ANXA2: variants seen among roughly 807,000 people sequenced by gnomAD.
ANXA2 encodes annexin II.
ANXA2 carries 28 observed loss-of-function variants against 47.3 expected under a neutral mutation model. The ratio of observed to expected loss-of-function variants is 0.59; its 90% confidence interval spans 0.44 to 0.81. The LOEUF (loss-of-function observed/expected upper bound fraction) is 0.81, where lower values mean the gene tolerates loss of function less well. ANXA2 is among the 40% of genes least tolerant of loss of function. The probability of loss-of-function intolerance (pLI) is 0.00; values close to 1 mark genes in which losing one functional copy is unlikely to be tolerated. For synonymous variants in ANXA2, 172 were observed against 155.5 expected, an observed-to-expected ratio of 1.11 and a Z score of -0.79; for missense variants, 384 against 414.3, an observed-to-expected ratio of 0.93 and a Z score of 0.64.
At chr15:60,382,586 C>T in intron 2 of ANXA2, 145 bp from the exon 3 acceptor site, 1 of 530,176 alleles carries the variant, frequency 1.9e-6, no homozygotes, top group Non-Finnish European at 3.4e-6. Context: ...ATTAACACAC[C>T]ATCACACTTC....
At chr15:60,370,822 A>G (rs912003222) in intron 3 of ANXA2, among the ~76,000 whole-genome samples, 2 of 152,206 alleles carry the variant, frequency 1.3e-5, no homozygotes, top group Non-Finnish European at 2.9e-5. Flanking sequence ...CACAGGGTCT[A>G]AAGAAACTGT....
At chr15:60,378,359 C>G (rs1424755367) in intron 3 of ANXA2, among the ~76,000 whole-genome samples, 1 of 152,126 alleles carries the variant, frequency 6.6e-6, no homozygotes, top group Non-Finnish European at 1.5e-5. Flanking sequence ...TTTATTTTTC[C>G]TATCTACATT....
At chr15:60,377,087 C>G (rs544703128) in intron 3 of ANXA2, among the ~76,000 whole-genome samples, 1 of 152,168 alleles carries the variant, frequency 6.6e-6, no homozygotes, top group Non-Finnish European at 1.5e-5. Context: ...AAGGAAACAC[C>G]AACTACTTAG....
chr15:60,385,889 T>C (rs530582589), intron 2 of ANXA2, 139 bp downstream of exon 2: 2 of 150,716 alleles, frequency 1.3e-5, no homozygotes, highest in African/African-American at 8.3e-5. Context: ...AGCTGAAGTA[T>C]TAAGAAAGAG....
intron 1 of ANXA2, 116 bp downstream of exon 1, chr15:60,397,827 C>T: frequency 7.3e-7 from 1 of 1,367,704 alleles, no homozygotes; most frequent in South Asian, 1.7e-5. Flanking sequence ...CTGCCCCCGA[C>T]GGCCTCCGGG....
chr15:60,357,064 G>A (rs909605924), intron 6 of ANXA2, 82 bp downstream of exon 6: 2 of 1,298,016 alleles, frequency 1.5e-6, no homozygotes, highest in Admixed American at 1.7e-5. Context: ...AGGCATCTTA[G>A]CCCGAACCCT....
At chr15:60,389,251 C>T (rs1415286838) in intron 1 of ANXA2, among the ~76,000 whole-genome samples, 2 of 152,180 alleles carry the variant, frequency 1.3e-5, no homozygotes, top group Non-Finnish European at 2.9e-5. Context: ...AACCAGGGAA[C>T]TAGCAAGTCA....
intron 4 of ANXA2, among the ~76,000 whole-genome samples, chr15:60,363,354 C>A (rs766879749): frequency 6.6e-6 from 1 of 152,080 alleles, no homozygotes; most frequent in African/African-American, 2.4e-5. Flanking sequence ...ATTTAGAGTG[C>A]GGGGGATGGA....
chr15:60,384,710 T>C (rs763908071), intron 2 of ANXA2: 1 of 152,244 alleles, frequency 6.6e-6, no homozygotes, highest in African/African-American at 2.4e-5. Context: ...AAAAACTCTA[T>C]AGGCTTTATA....
chr15:60,374,576 A>C (rs1294900459), intron 3 of ANXA2: 1 of 455,814 alleles, frequency 2.2e-6, no homozygotes, highest in South Asian at 1.5e-5. Flanking sequence ...TTTTAAAAAA[A>C]GAAAGAGCTG....
At chr15:60,361,318 G>A (rs2062508925) in intron 4 of ANXA2, 1 of 417,862 alleles carries the variant, frequency 2.4e-6, no homozygotes, top group Non-Finnish European at 4.4e-6. Context: ...AACTGGAGTC[G>A]TATGTGATTC....
intron 7 of ANXA2, 54 bp downstream of exon 7, chr15:60,355,865 A>G: frequency 7.2e-7 from 1 of 1,384,160 alleles, no homozygotes; most frequent in Non-Finnish European, 1.0e-6. Flanking sequence ...AAAATGAGGT[A>G]TGTGACTTGC....
intron 3 of ANXA2, among the ~76,000 whole-genome samples, chr15:60,377,138 G>A (rs1220352430): frequency 1.3e-5 from 2 of 152,192 alleles, no homozygotes; most frequent in Admixed American, 6.5e-5. Context: ...TGGGAGTGGG[G>A]CCAAGGTGTG....
chr15:60,397,257 C>A (rs1193947379), intron 1 of ANXA2: 1 of 985,000 alleles, frequency 1.0e-6, no homozygotes, highest in Non-Finnish European at 1.2e-6. Flanking sequence ...GGGGACACTA[C>A]CTTCCTGAGG....
chr15:60,367,205 C>T (rs1595682087), intron 3 of ANXA2, among the ~76,000 whole-genome samples: 2 of 87,468 alleles, frequency 2.3e-5, no homozygotes, highest in Admixed American at 1.1e-4. Context: ...CCGCCCCGTC[C>T]GGGAGGGAGG....
At position 60,351,814 on chromosome 15, in the gene ANXA2, C is replaced by G. The variant is rs1164745682; in HGVS notation, c.688G>C (p.Asp230His). Reference protein sequence around the residue: ...RSVPHLQKVFDRYKSYSPYDM... With the variant: ...RSVPHLQKVFHRYKSYSPYDM... Reference sequence around the variant, plus strand: ...TAAGGGCTGTAACTCTTGTACCTATCAAATACTGAGGAAAAACAACAAAGA... The same window carrying G: ...TAAGGGCTGTAACTCTTGTACCTATGAAATACTGAGGAAAAACAACAAAGA... Residue 230 changes from aspartate (D) to histidine (H), a missense_variant, in exon 10 of 13, where the codon GAT becomes CAT. Physicochemically the swap from Asp to His is moderately conservative, Grantham distance 81. Transcript: ENST00000451270. 1 of 1,609,288 alleles carries G rather than the reference C, an allele frequency of 6.2e-7. No individual in the cohort carries two copies. Among genetic ancestry groups the G allele is most frequent in the East Asian group, 2.2e-5 (1 of 44,860 alleles).
chr15:60,389,914 T>C (rs992451871), intron 1 of ANXA2, among the ~76,000 whole-genome samples: 2 of 152,154 alleles, frequency 1.3e-5, no homozygotes, highest in Non-Finnish European at 2.9e-5. Context: ...GGGCACTTTT[T>C]GATACCACTT....
chr15:60,356,065 C>A, intron 6 of ANXA2, 67 bp from the exon 7 acceptor site: 1 of 1,205,080 alleles, frequency 8.3e-7, no homozygotes, highest in Non-Finnish European at 1.2e-6. Flanking sequence ...CCCAATCTCC[C>A]CATTTCCCAC....
At chr15:60,376,830 C>G (rs933526955) in intron 3 of ANXA2, among the ~76,000 whole-genome samples, 1 of 152,234 alleles carries the variant, frequency 6.6e-6, no homozygotes, top group Non-Finnish European at 1.5e-5. Context: ...CATCCGTGTA[C>G]TCGACAGCAG....
Sources: allele counts gnomAD v4.1 joint callset (sites outside exome capture counted in the v4.1 genomes callset), GRCh38; gene constraint gnomAD v4.1.1; transcripts MANE v1.5; gene names NCBI Gene and HGNC (gene_info 2026-07-23, HGNC 2026-07-21).